PKHD1: variants seen among roughly 807,000 people sequenced by gnomAD.
The protein encoded by PKHD1 is fibrocystin.
A neutral mutation model predicts 412.0 loss-of-function variants in PKHD1; 291 were observed. The observed-to-expected ratio is 0.71, with a 90% CI of 0.64 to 0.78. The LOEUF is 0.78. Ranked by LOEUF, PKHD1 falls within the 30% of genes least tolerant of loss-of-function variation. The pLI is 0.00. For missense variants in PKHD1, 4,825 were observed against 4,950.7 expected (o/e 0.97, Z 0.76); for synonymous variants, 1,777 against 1,821.5 (o/e 0.98, Z 0.62).
chr6:51,715,076 A>T (rs747881983), intron 60 of PKHD1, among the ~76,000 whole-genome samples: 1 of 152,064 alleles, frequency 6.6e-6, no homozygotes, highest in Non-Finnish European at 1.5e-5. Context: ...AACCATCTCC[A>T]TCCTTCCTAA....
chr6:51,794,044 T>C (rs9767363), intron 52 of PKHD1, among the ~76,000 whole-genome samples: 1 of 134,660 alleles, frequency 7.4e-6, no homozygotes, highest in African/African-American at 2.7e-5. Context: ...TGTTGCTTTT[T>C]GACTTTTTTT....
intron 52 of PKHD1, among the ~76,000 whole-genome samples, chr6:51,796,768 CAGG>C (rs1336622600): frequency 4.6e-5 from 7 of 151,238 alleles, no homozygotes; most frequent in African/African-American, 1.7e-4. Context: ...AAGAGTCATT[CAGG>C]AGGAGAAGGT....
chr6:51,637,984 A>G (rs571383645), intron 64 of PKHD1, among the ~76,000 whole-genome samples: 9 of 152,214 alleles, frequency 5.9e-5, no homozygotes, highest in Non-Finnish European at 1.3e-4. Flanking sequence ...TCATACTGGA[A>G]CATTTTCAAA....
At chr6:51,769,599 A>G (rs926329068) in intron 55 of PKHD1, among the ~76,000 whole-genome samples, 1 of 151,412 alleles carries the variant, frequency 6.6e-6, no homozygotes, top group Non-Finnish European at 1.5e-5. Context: ...CTAATTTTCT[A>G]CTTTCTATTT....
chr6:52,069,930 C>A (rs1271540463), intron 10 of PKHD1, among the ~76,000 whole-genome samples: 2 of 152,116 alleles, frequency 1.3e-5, no homozygotes, highest in Admixed American at 6.5e-5. Flanking sequence ...ATCAATTAGA[C>A]CCTACGCTTT....
intron 52 of PKHD1, among the ~76,000 whole-genome samples, chr6:51,808,232 A>G (rs116743203): frequency 0.012 from 1,891 of 152,274 alleles, 21 homozygotes; most frequent in South Asian, 0.047. Context: ...GAATAAAAAT[A>G]AATGTAGTGT....
intron 53 of PKHD1, among the ~76,000 whole-genome samples, chr6:51,785,770 T>G (rs1003630294): frequency 6.6e-6 from 1 of 152,216 alleles, no homozygotes; most frequent in African/African-American, 2.4e-5. Flanking sequence ...CTCCTCAAAA[T>G]TTCTATCCAC....
chr6:51,960,752 G>A (rs1791904485), intron 35 of PKHD1, among the ~76,000 whole-genome samples: 1 of 152,126 alleles, frequency 6.6e-6, no homozygotes. Flanking sequence ...GTAGGGAGCT[G>A]TACTGACAGA....
Position 51,616,905 on chromosome 6 carries a change from G to A in PKHD1, c.*2176C>T. 1 of 382,318 alleles carries A rather than the reference G, an allele frequency of 2.6e-6. No homozygotes were observed. The highest frequency in any genetic ancestry group is 1.5e-4 in the South Asian group (1 of 6,884). The allele number at this position is 382,318 out of a possible 1,614,324, so 23.7% of individuals were successfully genotyped here. On this transcript the variant is annotated 3_prime_UTR_variant, in exon 67 of 67. Coordinates refer to ENST00000371117, the MANE Select transcript of PKHD1 (RefSeq NM_138694.4). ...CGAAATAGAATGAAGAGTCATGACTGACTTCTAGATTTCTGGTCTGAGTGC... is the reference window on the plus strand; with the variant it reads ...CGAAATAGAATGAAGAGTCATGACTAACTTCTAGATTTCTGGTCTGAGTGC...
chr6:51,947,371 C>A (rs973520584), intron 36 of PKHD1, among the ~76,000 whole-genome samples: 1 of 152,116 alleles, frequency 6.6e-6, no homozygotes, highest in African/African-American at 2.4e-5. Flanking sequence ...TGTATTGAAT[C>A]GCTAAAGAAA....
rs1257618964 is a variant in PKHD1, at chr6:51,807,475, A to ATG, written c.8303-16103_8303-16102insCA. Among the ~76,000 whole-genome samples, 623 of 111,502 alleles carry ATG rather than the reference A, an allele frequency of 5.6e-3. 3 individuals carry two copies. The highest frequency in any genetic ancestry group is 0.013 in the Middle Eastern group (3 of 224). 73.1% of individuals were successfully genotyped at this position (111,502 alleles called of 152,430 possible). ...AAAAAAAAAATATATATATATATAT[A>ATG]TATATGTATATGTGTGTGTGTGTGT... On this transcript the variant is annotated intron_variant, in intron 52 of 66. Coordinates refer to ENST00000371117, the MANE Select transcript of PKHD1 (RefSeq NM_138694.4).
chr6:52,017,658 A>G, intron 33 of PKHD1, 29 bp from the exon 34 acceptor site: 4 of 1,562,106 alleles, frequency 2.6e-6, no homozygotes, highest in Non-Finnish European at 1.8e-6. Context: ...ATTAGGAAAG[A>G]ACCACAGAGA....
chr6:52,044,783 T>C (rs749218578), intron 25 of PKHD1, among the ~76,000 whole-genome samples, 183 bp downstream of exon 25: 29 of 152,224 alleles, frequency 1.9e-4, no homozygotes, highest in Non-Finnish European at 7.3e-5. Flanking sequence ...AAGGCATTTA[T>C]ATTTTCAGGG....
At chr6:51,730,263 G>A (rs575074588) in intron 60 of PKHD1, among the ~76,000 whole-genome samples, 10 of 151,968 alleles carry the variant, frequency 6.6e-5, no homozygotes, top group Non-Finnish European at 1.3e-4. Flanking sequence ...GTATTTTCTA[G>A]ATTTTGATTC....
chr6:51,678,371 T>C lies in PKHD1; in HGVS notation c.10157-18402A>G, dbSNP rs560272439. Reference sequence around the variant, plus strand: ...TAATAAATACAAGCTGTTACATTCCTATAATTTTAAAAAGAGAATTTTTAA... The same window carrying C: ...TAATAAATACAAGCTGTTACATTCCCATAATTTTAAAAAGAGAATTTTTAA... On this transcript the variant is annotated intron_variant, in intron 60 of 66. Coordinates refer to ENST00000371117, the MANE Select transcript of PKHD1 (RefSeq NM_138694.4). Among the ~76,000 whole-genome samples the C allele has an allele frequency of 3.3e-5, 5 of 152,296 alleles. No individual in the cohort carries two copies. In the East Asian group the frequency reaches 9.7e-4, roughly 29 times the overall value.
chr6:51,636,433 G>T (rs1455307339), intron 64 of PKHD1, among the ~76,000 whole-genome samples: 2 of 152,066 alleles, frequency 1.3e-5, no homozygotes, highest in African/African-American at 4.8e-5. Context: ...TGTAGTCCCA[G>T]CTACTTTGGA....
chr6:52,017,790 A>T (rs997977771), intron 33 of PKHD1, among the ~76,000 whole-genome samples, 161 bp from the exon 34 acceptor site: 1 of 152,252 alleles, frequency 6.6e-6, no homozygotes, highest in African/African-American at 2.4e-5. Context: ...ATGTACACAG[A>T]AAAATACAAG....
At chr6:51,666,914 C>T (rs1188305788) in intron 60 of PKHD1, among the ~76,000 whole-genome samples, 9 of 151,974 alleles carry the variant, frequency 5.9e-5, no homozygotes, top group East Asian at 1.9e-4. Context: ...ATGGTGTATA[C>T]GTGCCACATT....
chr6:51,865,241 C>T (rs951068347), intron 48 of PKHD1, among the ~76,000 whole-genome samples: 6 of 152,272 alleles, frequency 3.9e-5, no homozygotes, highest in African/African-American at 1.4e-4. Flanking sequence ...GCAGATCAAG[C>T]ATGCTGTCAT....
Sources: allele counts gnomAD v4.1 joint callset (sites outside exome capture counted in the v4.1 genomes callset), GRCh38; gene constraint gnomAD v4.1.1; transcripts MANE v1.5; gene names NCBI Gene and HGNC (gene_info 2026-07-23, HGNC 2026-07-21).